NALF1: variants seen among roughly 807,000 people sequenced by gnomAD.
NALF1 encodes family with sequence similarity 155 member A.
In NALF1, 3 loss-of-function variants were observed where a neutral mutation model predicts 48.4. The observed-to-expected ratio is 0.06, with a 90% CI of 0.03 to 0.16. NALF1 has a LOEUF of 0.16. Ranked by LOEUF, NALF1 falls within the 10% of genes least tolerant of loss-of-function variation. NALF1 has a pLI of 1.00. For synonymous variants in NALF1, 262 were observed against 245.7 expected, an observed-to-expected ratio of 1.07 and a Z score of -0.62; for missense variants, 526 against 571.5, an observed-to-expected ratio of 0.92 and a Z score of 0.81.
intron 1 of NALF1, among the ~76,000 whole-genome samples, chr13:107,829,841 C>T (rs1566498589): frequency 1.3e-5 from 2 of 152,070 alleles, no homozygotes; most frequent in Admixed American, 6.5e-5. Context: ...AGGGTACATA[C>T]GATTTTTTAA....
chr13:107,720,077 G>A lies in NALF1; in HGVS notation c.915+145605C>T, dbSNP rs575166170. 3.9e-5 allele frequency among the ~76,000 whole-genome samples: 6 copies of A among 152,178 alleles called. No individual in the cohort carries two copies. The East Asian group carries it at 1.2e-3, about 29-fold the overall frequency. On this transcript the variant is annotated intron_variant, in intron 1 of 2. Coordinates refer to ENST00000375915, the MANE Select transcript of NALF1 (RefSeq NM_001080396.3). ...TCATCACCTCCATGGAGCCTCTCCTGCCCACGTGCAACTAGACAATACTTT... is the reference window on the plus strand; with the variant it reads ...TCATCACCTCCATGGAGCCTCTCCTACCCACGTGCAACTAGACAATACTTT...
chr13:107,394,542 C>G (rs1281020906), intron 1 of NALF1, among the ~76,000 whole-genome samples: 1 of 152,052 alleles, frequency 6.6e-6, no homozygotes, highest in Non-Finnish European at 1.5e-5. Flanking sequence ...ATCTCATTAC[C>G]AGGGTAGTAA....
At chr13:107,539,840 T>C (rs1876949931) in intron 1 of NALF1, among the ~76,000 whole-genome samples, 2 of 152,132 alleles carry the variant, frequency 1.3e-5, no homozygotes, top group African/African-American at 4.8e-5. Context: ...CTCAGTTCTA[T>C]GACTCCAATT....
At chr13:107,418,646 T>C (rs1216076377) in intron 1 of NALF1, among the ~76,000 whole-genome samples, 1 of 152,096 alleles carries the variant, frequency 6.6e-6, no homozygotes, top group African/African-American at 2.4e-5. Flanking sequence ...AATGATCTCA[T>C]TGCCCAGGTA....
intron 1 of NALF1, among the ~76,000 whole-genome samples, chr13:107,705,212 T>C (rs1044015025): frequency 6.6e-6 from 1 of 152,186 alleles, no homozygotes; most frequent in African/African-American, 2.4e-5. Flanking sequence ...TGTAGCTTTG[T>C]CCAACGAAGA....
intron 1 of NALF1, among the ~76,000 whole-genome samples, chr13:107,438,854 AT>A (rs71204830): frequency 1.0e-4 from 13 of 129,606 alleles, no homozygotes; most frequent in Admixed American, 1.6e-4. Context: ...AAAAAAAAGA[AT>A]AATATAAAGG....
intron 1 of NALF1, among the ~76,000 whole-genome samples, chr13:107,585,930 T>G (rs1360034405): frequency 3.9e-5 from 6 of 152,180 alleles, no homozygotes; most frequent in African/African-American, 1.4e-4. Flanking sequence ...GACCATATGT[T>G]TAGCACTGGA....
At chr13:107,632,201 A>C (rs989100635) in intron 1 of NALF1, among the ~76,000 whole-genome samples, 4 of 152,146 alleles carry the variant, frequency 2.6e-5, no homozygotes, top group African/African-American at 9.7e-5. Context: ...GGCAAATACT[A>C]TATCTATCTC....
intron 1 of NALF1, among the ~76,000 whole-genome samples, chr13:107,703,594 C>G (rs1219052687): frequency 6.6e-6 from 1 of 152,058 alleles, no homozygotes; most frequent in Non-Finnish European, 1.5e-5. Context: ...AACTCGTGAT[C>G]CGCCCACCTC....
chr13:107,630,591 A>G (rs979439826), intron 1 of NALF1, among the ~76,000 whole-genome samples: 1 of 152,122 alleles, frequency 6.6e-6, no homozygotes, highest in Non-Finnish European at 1.5e-5. Context: ...AGCTCTCAAC[A>G]GTATCTTTTG....
At chr13:107,739,245 C>G in intron 1 of NALF1, among the ~76,000 whole-genome samples, 1 of 151,792 alleles carries the variant, frequency 6.6e-6, no homozygotes, top group Non-Finnish European at 1.5e-5. Context: ...TTGATAGGTG[C>G]AGCAAACCAC....
rs1034466126 is a variant in NALF1, at chr13:107,297,747, T to A, written c.916-86992A>T. ...TTAATAATCAGGCTTATTTTTATAT[T>A]TTAATAATGACTTCTTAAGTTATTT... On this transcript the variant is annotated intron_variant, in intron 1 of 2. Transcript: ENST00000375915. Among the ~76,000 whole-genome samples, 5 of 152,206 alleles carry A rather than the reference T, an allele frequency of 3.3e-5. No homozygotes were observed. The East Asian group carries it at 7.7e-4, about 23-fold the overall frequency.
intron 1 of NALF1, among the ~76,000 whole-genome samples, chr13:107,381,214 T>G (rs1390614454): frequency 4.0e-5 from 6 of 150,450 alleles, no homozygotes; most frequent in African/African-American, 1.5e-4. Context: ...GTTTTTTTTT[T>G]TTTTGAGACA....
In NALF1 at chr13:107,407,201, A is replaced by AG. The variant is rs1883914106; in HGVS notation, c.916-196447dup. Among the ~76,000 whole-genome samples, 4 of 152,008 alleles carry AG rather than the reference A, an allele frequency of 2.6e-5. No homozygotes were observed. In the South Asian group the frequency reaches 8.3e-4, roughly 31 times the overall value. On this transcript the variant is annotated intron_variant, in intron 1 of 2. Coordinates refer to ENST00000375915, the MANE Select transcript of NALF1 (RefSeq NM_001080396.3). ...ATTGGGGAAACTCTTCAAGACACTG[A>AG]GCAAAGATATCTTGTGTCATACCCC...
intron 1 of NALF1, among the ~76,000 whole-genome samples, chr13:107,281,475 G>A (rs776468476): frequency 3.3e-5 from 5 of 152,166 alleles, no homozygotes; most frequent in Non-Finnish European, 5.9e-5. Context: ...ACATTCCAGA[G>A]TGTGATGGTC....
At chr13:107,328,828 C>A (rs1414665558) in intron 1 of NALF1, among the ~76,000 whole-genome samples, 1 of 152,182 alleles carries the variant, frequency 6.6e-6, no homozygotes, top group Non-Finnish European at 1.5e-5. Context: ...CCAACGCTAT[C>A]AAAAATTTAC....
At chr13:107,182,315 G>A (rs1879083283) in intron 2 of NALF1, among the ~76,000 whole-genome samples, 4 of 151,780 alleles carry the variant, frequency 2.6e-5, no homozygotes, top group African/African-American at 9.7e-5. Flanking sequence ...CTGTCACTCA[G>A]GCTGGAGTGC....
At chr13:107,611,618 G>A (rs895305350) in intron 1 of NALF1, among the ~76,000 whole-genome samples, 9 of 152,172 alleles carry the variant, frequency 5.9e-5, no homozygotes, top group East Asian at 1.9e-4. Context: ...AGTGGCTCAC[G>A]CCTGTAATCT....
At chr13:107,549,952 C>T (rs1877245219) in intron 1 of NALF1, among the ~76,000 whole-genome samples, 1 of 151,888 alleles carries the variant, frequency 6.6e-6, no homozygotes, top group Admixed American at 6.6e-5. Flanking sequence ...TCTTTCTTTG[C>T]TATTCATGAC....
Sources: allele counts gnomAD v4.1 joint callset (sites outside exome capture counted in the v4.1 genomes callset), GRCh38; gene constraint gnomAD v4.1.1; transcripts MANE v1.5; gene names NCBI Gene and HGNC (gene_info 2026-07-23, HGNC 2026-07-21).